EXT2: variants seen among roughly 807,000 people sequenced by gnomAD.
EXT2 encodes the protein exostosin-2.
Under a neutral mutation model 81.6 loss-of-function variants are expected in EXT2, and 53 were observed. That is an observed-to-expected ratio of 0.65 (90% CI 0.52 to 0.82). EXT2 has a LOEUF of 0.82. Ranked by LOEUF, EXT2 falls within the 40% of genes least tolerant of loss-of-function variation. The pLI is 0.00. For missense variants in EXT2, 774 were observed against 910.2 expected, an observed-to-expected ratio of 0.85 and a Z score of 1.93; for synonymous variants, 320 against 340.0, an observed-to-expected ratio of 0.94 and a Z score of 0.65.
intron 8 of EXT2, among the ~76,000 whole-genome samples, chr11:44,194,965 T>C (rs1337571060): frequency 6.6e-6 from 1 of 152,138 alleles, no homozygotes; most frequent in Non-Finnish European, 1.5e-5. Flanking sequence ...CTGACTTCAG[T>C]TTCCATAAAG....
At chr11:44,223,054 G>A (rs986416035) in intron 10 of EXT2, among the ~76,000 whole-genome samples, 4 of 152,170 alleles carry the variant, frequency 2.6e-5, no homozygotes, top group African/African-American at 4.8e-5. Context: ...TTATGGAAAT[G>A]CAAAATAAAA....
At position 44,248,854 on chromosome 11, in the gene EXT2, G is replaced by A. The variant is rs1956116836; in HGVS notation, c.*4567G>A. 6.6e-6 allele frequency among the ~76,000 whole-genome samples: 1 copy of A among 152,202 alleles called. No individual in the cohort carries two copies. Among genetic ancestry groups the A allele is most frequent in the East Asian group, 1.9e-4 (1 of 5,178 alleles). ...TGGGAAGATGACCAGAGAAAGTTTGGCCCCCTCTCCCAAGCTTCCAGGCCT... is the reference window on the plus strand; with the variant it reads ...TGGGAAGATGACCAGAGAAAGTTTGACCCCCTCTCCCAAGCTTCCAGGCCT... On this transcript the variant is annotated 3_prime_UTR_variant, in exon 14 of 14. Transcript: ENST00000533608.
chr11:44,211,350 A>C (rs990501127), intron 10 of EXT2, among the ~76,000 whole-genome samples: 1 of 152,274 alleles, frequency 6.6e-6, no homozygotes, highest in Non-Finnish European at 1.5e-5. Context: ...AGCATTGTTC[A>C]TAATAGCCAA....
intron 8 of EXT2, among the ~76,000 whole-genome samples, chr11:44,189,490 G>A (rs998006373): frequency 1.3e-5 from 2 of 152,216 alleles, no homozygotes; most frequent in Non-Finnish European, 2.9e-5. Flanking sequence ...TTCTGGGGAA[G>A]CCACAGGAAA....
intron 12 of EXT2, 40 bp downstream of exon 12, chr11:44,234,283 C>T: frequency 6.3e-7 from 1 of 1,587,508 alleles, no homozygotes; most frequent in Non-Finnish European, 8.6e-7. Flanking sequence ...TGATCTTGGG[C>T]AAATATCTAT....
chr11:44,204,672 C>T (rs1955561127), intron 9 of EXT2, among the ~76,000 whole-genome samples: 1 of 152,198 alleles, frequency 6.6e-6, no homozygotes, highest in East Asian at 1.9e-4. Flanking sequence ...GATTCTCACT[C>T]AAGCGAGAAG....
intron 8 of EXT2, among the ~76,000 whole-genome samples, chr11:44,192,395 G>A (rs1362026270): frequency 6.6e-6 from 1 of 151,998 alleles, no homozygotes; most frequent in East Asian, 1.9e-4. Context: ...ACTAGGTTAT[G>A]TGTGTTTTGA....
chr11:44,109,212 T>A lies in EXT2; in HGVS notation c.555T>A (p.Asn185Lys), dbSNP rs1329052079. 1 of 1,614,164 alleles carries A rather than the reference T, an allele frequency of 6.2e-7. No homozygotes were observed. Residue 185 changes from asparagine to lysine, a missense_variant, in exon 3 of 14, where the codon AAT becomes AAA. By Grantham distance (94) the Asn-to-Lys change is moderately conservative. Around this residue, in one of 2 missense-constraint regions of EXT2, gnomAD observed 626 missense variants for 670.5 expected, o/e 0.93. Transcript: ENST00000533608. ...TTGACAGGTGGGATCGAGGTACGAA[T>A]CACCTGTTGTTCAACATGTTGCCTG... ...AQLSRWDRGTNHLLFNMLPGG... is the reference protein window; with the variant it reads ...AQLSRWDRGTKHLLFNMLPGG...
At chr11:44,227,607 G>A (rs970524059) in intron 10 of EXT2, among the ~76,000 whole-genome samples, 2 of 152,168 alleles carry the variant, frequency 1.3e-5, no homozygotes, top group Non-Finnish European at 2.9e-5. Flanking sequence ...TGCCCCCTGT[G>A]GGCTTTTACA....
intron 10 of EXT2, among the ~76,000 whole-genome samples, chr11:44,224,042 G>A (rs890275093): frequency 5.9e-5 from 9 of 152,322 alleles, no homozygotes; most frequent in African/African-American, 1.4e-4. Flanking sequence ...ATTTCATGTT[G>A]TGATGTCATA....
rs536244850 is a variant in EXT2 at position 44,214,557 on chromosome 11, A to G, written c.1662+7598A>G. On this transcript the variant is annotated intron_variant, in intron 10 of 13. Transcript: ENST00000533608. ...TTGGTTTTGATAAATTGTATTTTCC[A>G]GGGAATTTGTTCATTTTATCTAAAT... is the stretch of plus-strand genomic sequence containing the variant. Among the ~76,000 whole-genome samples the G allele has an allele frequency of 1.4e-4, 21 of 152,262 alleles. No homozygotes were observed. The South Asian group carries it at 4.1e-3, about 30-fold the overall frequency.
At chr11:44,224,776 G>T (rs932866233) in intron 10 of EXT2, among the ~76,000 whole-genome samples, 1 of 152,176 alleles carries the variant, frequency 6.6e-6, no homozygotes, top group African/African-American at 2.4e-5. Flanking sequence ...AGTCAGCAGG[G>T]CAGCTACTTG....
chr11:44,243,294 T>C (rs1397613088), intron 13 of EXT2, among the ~76,000 whole-genome samples: 3 of 152,172 alleles, frequency 2.0e-5, no homozygotes, highest in East Asian at 1.9e-4. Flanking sequence ...GTTGGCCTGA[T>C]TGACCAGAGC....
rs1292671921 is a variant in EXT2, at chr11:44,178,282, C to T, written c.1305+6540C>T. 2.6e-5 allele frequency among the ~76,000 whole-genome samples: 4 copies of T among 152,166 alleles called. 1 individual carries two copies. The highest frequency in any genetic ancestry group is 7.2e-5 in the African/African-American group (3 of 41,442). The stretch of plus-strand genomic sequence containing the variant: ...CTAGAATTCGCATTTCTAGCAAGTT[C>T]TCAAGTGTTGGATATTGATGCTGCT... On this transcript the variant is annotated intron_variant, in intron 8 of 13. Coordinates refer to ENST00000533608, the MANE Select transcript of EXT2 (RefSeq NM_207122.2).
intron 7 of EXT2, among the ~76,000 whole-genome samples, chr11:44,154,073 G>T (rs1332067738): frequency 6.6e-6 from 1 of 151,742 alleles, no homozygotes; most frequent in African/African-American, 2.4e-5. Flanking sequence ...GGCATACAAT[G>T]GGTAATTATC....
intron 7 of EXT2, among the ~76,000 whole-genome samples, chr11:44,159,132 T>C (rs1590606143): frequency 2.0e-5 from 3 of 151,756 alleles, no homozygotes; most frequent in African/African-American, 7.2e-5. Context: ...TTTTTTTTTT[T>C]TTCTTCATTT....
At chr11:44,153,674 G>A (rs1954821850) in intron 7 of EXT2, among the ~76,000 whole-genome samples, 1 of 152,016 alleles carries the variant, frequency 6.6e-6, no homozygotes, top group African/African-American at 2.4e-5. Flanking sequence ...TTATCAACTA[G>A]AGGAAATTTC....
At chr11:44,134,103 T>A (rs1954532522) in intron 7 of EXT2, among the ~76,000 whole-genome samples, 1 of 152,226 alleles carries the variant, frequency 6.6e-6, no homozygotes, top group Non-Finnish European at 1.5e-5. Flanking sequence ...CTGCCACACG[T>A]GGCATTGGGC....
intron 1 of EXT2, among the ~76,000 whole-genome samples, chr11:44,100,756 G>T (rs1327988369): frequency 2.0e-5 from 3 of 152,188 alleles, no homozygotes; most frequent in African/African-American, 7.2e-5. Flanking sequence ...AGCCTTGACA[G>T]GTTGCCTCTG....
Sources: allele counts gnomAD v4.1 joint callset (sites outside exome capture counted in the v4.1 genomes callset), GRCh38; gene constraint gnomAD v4.1.1; regional missense constraint gnomAD v4.1.1; transcripts MANE v1.5; gene names NCBI Gene and HGNC (gene_info 2026-07-23, HGNC 2026-07-21).